Variants in ZNF335 observed in about 807,000 individuals in gnomAD.
ZNF335 encodes NRC-interacting factor 1.
A neutral mutation model predicts 145.6 loss-of-function variants in ZNF335; 84 were observed. The observed-to-expected ratio is 0.58, with a 90% CI of 0.48 to 0.69. The LOEUF (loss-of-function observed/expected upper bound fraction) is 0.69. ZNF335 is among the 30% of genes least tolerant of loss of function. ZNF335 has a pLI of 0.00. For synonymous variants in ZNF335, 761 were observed against 717.0 expected (o/e 1.06, Z -0.98); for missense variants, 1,865 against 1,809.7 (o/e 1.03, Z -0.55).
At chr20:45,960,088 T>A in intron 14 of ZNF335, 120 bp downstream of exon 14, 1 of 1,170,486 alleles carries the variant, frequency 8.5e-7, no homozygotes, top group East Asian at 2.6e-5. Flanking sequence ...CTTGAAGGAC[T>A]TGGGCTGTTC....
chr20:45,958,607 GA>G (rs896550274), intron 15 of ZNF335, among the ~76,000 whole-genome samples: 7 of 152,186 alleles, frequency 4.6e-5, no homozygotes, highest in Admixed American at 3.9e-4. Flanking sequence ...CTTGCTAACA[GA>G]ACTCTGATTT....
rs771065323 is a variant in ZNF335 at position 45,950,084 on chromosome 20, G to A, written c.3488-15C>T. 6.2e-6 allele frequency: 10 copies of A among 1,612,760 alleles called. No individual in the cohort carries two copies. The highest frequency in any genetic ancestry group is 1.3e-5 in the African/African-American group (1 of 74,906). Reference sequence around the variant, plus strand: ...CTGGAGTGCAGCTGGGCAGAGAGGAGAGGATGCTCACCTGGGGTCCAGGAA... The same window carrying A: ...CTGGAGTGCAGCTGGGCAGAGAGGAAAGGATGCTCACCTGGGGTCCAGGAA... On this transcript the variant is annotated splice_polypyrimidine_tract_variant and intron_variant, in intron 22 of 27. Coordinates refer to ENST00000322927, the MANE Select transcript of ZNF335 (RefSeq NM_022095.4).
chr20:45,966,256 T>C (rs1409964154), intron 6 of ZNF335, among the ~76,000 whole-genome samples: 1 of 151,932 alleles, frequency 6.6e-6, no homozygotes, highest in East Asian at 1.9e-4. Flanking sequence ...TTTTTTGGTA[T>C]TTTAGTAGAG....
chr20:45,957,031 A>C (rs1486229016), intron 17 of ZNF335, among the ~76,000 whole-genome samples: 2 of 152,208 alleles, frequency 1.3e-5, no homozygotes, highest in East Asian at 3.9e-4. Flanking sequence ...GCTGGGAAAC[A>C]GGAGGGGCTA....
chr20:45,959,603 G>A (rs962895655), intron 14 of ZNF335, among the ~76,000 whole-genome samples, 170 bp from the exon 15 acceptor site: 1 of 152,196 alleles, frequency 6.6e-6, no homozygotes, highest in African/African-American at 2.4e-5. Context: ...GGACAGAAAT[G>A]AATCAGGGCC....
chr20:45,962,491 C>T (rs1372220302), intron 9 of ZNF335, among the ~76,000 whole-genome samples: 2 of 152,248 alleles, frequency 1.3e-5, no homozygotes, highest in East Asian at 3.9e-4. Flanking sequence ...CATGGCGCCG[C>T]AGCCTCCACC....
chr20:45,958,299 G>A (rs1428218128), intron 15 of ZNF335, among the ~76,000 whole-genome samples: 4 of 152,068 alleles, frequency 2.6e-5, no homozygotes, highest in East Asian at 1.9e-4. Flanking sequence ...CACCCACCTC[G>A]GCCTCCCAAA....
At position 45,971,217 on chromosome 20, in the gene ZNF335, C is replaced by G; in HGVS notation, c.194G>C (p.Arg65Pro). ...GVGQSSDRGS[R>P]SQEEVSESSS... ...GTCCAGCCGGGTCCATACCTGAGAACGGCTGCCGCGGTCCGAGCTTTGCCC... is the reference window on the plus strand; with the variant it reads ...GTCCAGCCGGGTCCATACCTGAGAAGGGCTGCCGCGGTCCGAGCTTTGCCC... The change falls in exon 2 of 28, where the codon CGT becomes CCT. Residue 65 changes from arginine (R) to proline (P), a missense_variant. Coordinates refer to ENST00000322927, the MANE Select transcript of ZNF335 (RefSeq NM_022095.4). 6.5e-7 allele frequency: 1 copy of G among 1,538,936 alleles called. No individual in the cohort carries two copies. The highest frequency in any genetic ancestry group is 1.2e-5 in the South Asian group (1 of 83,538).
chr20:45,971,089 G>A, intron 2 of ZNF335, 121 bp downstream of exon 2: 1 of 1,406,466 alleles, frequency 7.1e-7, no homozygotes, highest in Non-Finnish European at 9.3e-7. Flanking sequence ...CTTGGTGCCT[G>A]GCTCACAGTA....
intron 3 of ZNF335, among the ~76,000 whole-genome samples, 190 bp downstream of exon 3, chr20:45,969,261 G>A (rs1352300260): frequency 1.3e-5 from 2 of 152,198 alleles, no homozygotes; most frequent in Admixed American, 6.5e-5. Flanking sequence ...CATGCCAGGC[G>A]CTAGGCTGAG....
In ZNF335 at chr20:45,963,626, T is replaced by A; in HGVS notation, c.1380A>T (p.Pro460=). ...YRKYYYKSPK[P]LLRPFLCRIC... ...TGCGGCACAGGAAGGGCCTCAAAAGTGGTTTGGGCGACTTGTAATAGTACC... is the reference window on the plus strand; with the variant it reads ...TGCGGCACAGGAAGGGCCTCAAAAGAGGTTTGGGCGACTTGTAATAGTACC... Residue 460 remains proline, a synonymous_variant, in exon 9 of 28, where the codon CCA becomes CCT. Coordinates refer to ENST00000322927, the MANE Select transcript of ZNF335 (RefSeq NM_022095.4). 1 of 1,613,878 alleles carries A rather than the reference T, an allele frequency of 6.2e-7. No homozygotes were observed. Among genetic ancestry groups the A allele is most frequent in the Non-Finnish European group, 8.5e-7 (1 of 1,179,978 alleles).
At chr20:45,959,513 G>A (rs1298890837) in intron 14 of ZNF335, 80 bp from the exon 15 acceptor site, 1 of 1,105,474 alleles carries the variant, frequency 9.0e-7, no homozygotes, top group Non-Finnish European at 1.2e-6. Context: ...TGACCCTAAG[G>A]ATCTCTCCAA....
At position 45,963,670 on chromosome 20, in the gene ZNF335, CG is replaced by C. The variant is rs2083893059; in HGVS notation, c.1356-21del. 6.2e-7 allele frequency: 1 copy of C among 1,613,744 alleles called. No individual in the cohort carries two copies. The highest frequency in any genetic ancestry group is 8.5e-7 in the Non-Finnish European group (1 of 1,179,686). Reference sequence around the variant, plus strand: ...TAGTACCTGCAGGATGAGAGTGTGGCGGAAAGGTCTGGTGGGGTTGGTGGCT... The same window carrying C: ...TAGTACCTGCAGGATGAGAGTGTGGCGAAAGGTCTGGTGGGGTTGGTGGCT... On this transcript the variant is annotated intron_variant, in intron 8 of 27. Coordinates refer to ENST00000322927, the MANE Select transcript of ZNF335 (RefSeq NM_022095.4).
chr20:45,959,813 G>A (rs768652172), intron 14 of ZNF335, among the ~76,000 whole-genome samples: 27 of 152,194 alleles, frequency 1.8e-4, no homozygotes, highest in Non-Finnish European at 3.7e-4. Flanking sequence ...AGCCAATGGC[G>A]TTGCTTCTGC....
chr20:45,969,926 A>G, intron 2 of ZNF335: 2 of 431,702 alleles, frequency 4.6e-6, no homozygotes, highest in Non-Finnish European at 8.2e-6. Flanking sequence ...AAATAAGAGA[A>G]GGGACTCCTA....
chr20:45,967,763 C>T lies in ZNF335; in HGVS notation c.785G>A (p.Arg262His), dbSNP rs369024037. 22 of 1,612,868 alleles carry T rather than the reference C, an allele frequency of 1.4e-5. No homozygotes were observed. The highest frequency in any genetic ancestry group is 1.6e-4 in the Middle Eastern group (1 of 6,082). ...YRSSTKATLL[R>H]HMRERHFRPV... ...ACGGAAGTGGCGTTCCCGCATGTGGCGCAGCAGTGTGGCCTTGGTGCTGCT... is the reference window on the plus strand; with the variant it reads ...ACGGAAGTGGCGTTCCCGCATGTGGTGCAGCAGTGTGGCCTTGGTGCTGCT... Residue 262 changes from arginine to histidine, a missense_variant, in exon 5 of 28, where the codon CGC becomes CAC. Transcript: ENST00000322927.
At position 45,968,382 on chromosome 20, in the gene ZNF335, G is replaced by T. The variant is rs1441052002; in HGVS notation, c.443-20C>A. The T allele has an allele frequency of 1.2e-6, 2 of 1,601,542 alleles. No homozygotes were observed. Among genetic ancestry groups the T allele is most frequent in the Non-Finnish European group, 1.7e-6 (2 of 1,170,300 alleles). On this transcript the variant is annotated intron_variant, in intron 3 of 27. Transcript: ENST00000322927. ...TGCAGTCTGGGCAGAGATGGGGAAGGGTCACACCTCCTGGGGAGGGGGTCC... is the reference window on the plus strand; with the variant it reads ...TGCAGTCTGGGCAGAGATGGGGAAGTGTCACACCTCCTGGGGAGGGGGTCC...
chr20:45,952,378 G>C lies in ZNF335; in HGVS notation c.2958C>G (p.Ser986=). 2 of 1,609,030 alleles carry C rather than the reference G, an allele frequency of 1.2e-6. No individual in the cohort carries two copies. The highest frequency in any genetic ancestry group is 1.7e-6 in the Non-Finnish European group (2 of 1,177,384). Residue 986 remains serine (S), a synonymous_variant, in exon 20 of 28, where the codon TCC becomes TCG. Transcript: ENST00000322927. ...SPAKTHCVGD[S]QSSASSPPAT... ...CAGGAGGTGAGGAGGCAGAGCTCTG[G>C]GAGTCCCCTACGCAGTGGGTCTTGG...
chr20:45,955,495 T>C (rs1380769630), intron 17 of ZNF335, among the ~76,000 whole-genome samples: 1 of 152,038 alleles, frequency 6.6e-6, no homozygotes, highest in Non-Finnish European at 1.5e-5. Flanking sequence ...GACCCACTAA[T>C]TCTTCTTGTA....
Sources: allele counts gnomAD v4.1 joint callset (sites outside exome capture counted in the v4.1 genomes callset), GRCh38; gene constraint gnomAD v4.1.1; transcripts MANE v1.5; gene names NCBI Gene and HGNC (gene_info 2026-07-23, HGNC 2026-07-21).